The following CALN1 variants were observed in gnomAD, a reference collection of about 807,000 sequenced individuals.
CALN1 encodes the protein calcium-binding protein 8.
Under a neutral mutation model 30.6 loss-of-function variants are expected in CALN1, and 17 were observed. The observed-to-expected ratio is 0.56, with a 90% confidence interval of 0.38 to 0.83. The LOEUF is 0.83. Among genes scored for constraint, CALN1 ranks in the 40% least tolerant of loss-of-function variants. The pLI is 0.00. For synonymous variants in CALN1, 156 were observed against 131.4 expected, an observed-to-expected ratio of 1.19 and a Z score of -1.28; for missense variants, 291 against 354.9, an observed-to-expected ratio of 0.82 and a Z score of 1.45.
At chr7:72,219,219 G>A (rs772118569) in intron 3 of CALN1, among the ~76,000 whole-genome samples, 13 of 151,656 alleles carry the variant, frequency 8.6e-5, no homozygotes, top group Admixed American at 2.0e-4. Flanking sequence ...TCAAATGCCC[G>A]TCATTTTTTC....
Position 71,787,622 on chromosome 7 carries a change from T to A in CALN1, c.*153A>T. ...AGATGAAGCTGAAGTGCAACCCCAG[T>A]TGCACTCAACCTTGGGTTCTTTACT... On this transcript the variant is annotated 3_prime_UTR_variant, in exon 7 of 7. Transcript: ENST00000395275. The A allele has an allele frequency of 9.5e-7, 1 of 1,052,188 alleles. No individual in the cohort carries two copies. Among genetic ancestry groups the A allele is most frequent in the Non-Finnish European group, 1.3e-6 (1 of 750,914 alleles). The allele number at this position is 1,052,188 out of a possible 1,614,324, so 65.2% of individuals were successfully genotyped here. A position where few individuals can be genotyped will look rare whatever the true frequency, so the allele number is the denominator to read the frequency against.
chr7:72,034,353 C>CAAAAAAA (rs34276736), intron 4 of CALN1, among the ~76,000 whole-genome samples: 1 of 90,376 alleles, frequency 1.1e-5, no homozygotes, highest in Admixed American at 1.3e-4. Flanking sequence ...GACTCTGTCT[C>CAAAAAAA]AAAAAAAAAA....
chr7:72,494,609 GC>G, the CALN1 span, among the ~76,000 whole-genome samples: 7 of 151,978 alleles, frequency 4.6e-5, no homozygotes, highest in African/African-American at 1.7e-4. Flanking sequence ...GGGCGCGTTG[GC>G]CCATGCCTGT....
intron 6 of CALN1, 136 bp downstream of exon 6, chr7:71,810,200 C>T (rs761336143): frequency 2.4e-6 from 2 of 848,954 alleles, no homozygotes; most frequent in East Asian, 5.4e-5. Context: ...GATCTTTAAC[C>T]TCAGTCCTGG....
At chr7:72,406,996 T>C (rs555350819) in intron 1 of CALN1, among the ~76,000 whole-genome samples, 18 of 152,240 alleles carry the variant, frequency 1.2e-4, no homozygotes, top group African/African-American at 4.3e-4. Flanking sequence ...GCCCAGTCAC[T>C]CTTTCAGGGC....
At chr7:72,381,374 G>A (rs1332319581) in intron 2 of CALN1, among the ~76,000 whole-genome samples, 1 of 152,134 alleles carries the variant, frequency 6.6e-6, no homozygotes, top group African/African-American at 2.4e-5. Flanking sequence ...CTACTATAAA[G>A]ATACATGCAC....
the CALN1 span, among the ~76,000 whole-genome samples, chr7:72,494,695 CA>C: frequency 0.031 from 4,392 of 140,248 alleles, 185 homozygotes; most frequent in African/African-American, 0.1. Flanking sequence ...CCCATCTCTA[CA>C]AAAAAAAAAA....
intron 3 of CALN1, among the ~76,000 whole-genome samples, chr7:72,169,624 C>T (rs1371516950): frequency 1.3e-5 from 2 of 151,764 alleles, no homozygotes; most frequent in Non-Finnish European, 2.9e-5. Flanking sequence ...CGCAGCCTTG[C>T]TTCTTGCTTA....
chr7:72,064,939 AC>A (rs1332659064), intron 4 of CALN1, among the ~76,000 whole-genome samples: 1 of 151,838 alleles, frequency 6.6e-6, no homozygotes, highest in East Asian at 1.9e-4. Flanking sequence ...TGGCTCTAGG[AC>A]CACTTCTGTG....
chr7:72,056,756 G>C (rs370768029), intron 4 of CALN1, among the ~76,000 whole-genome samples: 62 of 151,974 alleles, frequency 4.1e-4, no homozygotes, highest in African/African-American at 1.2e-3. Flanking sequence ...CAAATACGAA[G>C]AAATTCATTA....
chr7:71,907,239 AACACACACACAC>A (rs71531773), intron 5 of CALN1, among the ~76,000 whole-genome samples: 1 of 147,744 alleles, frequency 6.8e-6, no homozygotes, highest in Non-Finnish European at 1.5e-5. Flanking sequence ...ATGAGGTTTA[AACACACACACAC>A]ACACACACAC....
chr7:71,839,124 T>TGAGAGAGA (rs148834323), intron 5 of CALN1, among the ~76,000 whole-genome samples: 2 of 151,118 alleles, frequency 1.3e-5, no homozygotes, highest in Non-Finnish European at 3.0e-5. Context: ...TTATCATTCT[T>TGAGAGAGA]GAGAGAGAGA....
chr7:72,198,654 T>C (rs949409211), intron 3 of CALN1, among the ~76,000 whole-genome samples: 1 of 152,066 alleles, frequency 6.6e-6, no homozygotes, highest in African/African-American at 2.4e-5. Flanking sequence ...ATTTATAGCA[T>C]GGGACCCACC....
chr7:72,439,794 G>C (rs1808294534), intron 1 of CALN1, among the ~76,000 whole-genome samples: 1 of 151,856 alleles, frequency 6.6e-6, no homozygotes, highest in Non-Finnish European at 1.5e-5. Flanking sequence ...GGCCAGGCTG[G>C]TCTTGAACTC....
chr7:72,335,289 C>A (rs146965978), intron 2 of CALN1, among the ~76,000 whole-genome samples: 9 of 152,324 alleles, frequency 5.9e-5, no homozygotes, highest in South Asian at 2.1e-4. Flanking sequence ...AAATTCCTTT[C>A]CAAAGCTCTG....
At chr7:71,988,493 G>A (rs948649183) in intron 5 of CALN1, among the ~76,000 whole-genome samples, 9 of 152,294 alleles carry the variant, frequency 5.9e-5, no homozygotes, top group African/African-American at 2.2e-4. Flanking sequence ...ATACTTGTTG[G>A]TTTCATTCTA....
chr7:72,122,709 G>C (rs1808481106), intron 3 of CALN1, among the ~76,000 whole-genome samples: 1 of 152,154 alleles, frequency 6.6e-6, no homozygotes, highest in Non-Finnish European at 1.5e-5. Context: ...CTGGATGACA[G>C]AGCAAGACAC....
chr7:72,377,436 CGTGTGTGTGT>C lies in CALN1; in HGVS notation c.119+25805_119+25814del, dbSNP rs138060244. On this transcript the variant is annotated intron_variant, in intron 2 of 6. Transcript: ENST00000395275. ...CTTTGGGTAATATGGGCCACACTTT[CGTGTGTGTGT>C]GTGTGTGTGTGTGTGTGTGTGTGTG... Among the ~76,000 whole-genome samples, 826 of 142,420 alleles carry C rather than the reference CGTGTGTGTGT, an allele frequency of 5.8e-3. 6 individuals are homozygous for C. Among genetic ancestry groups the C allele is most frequent in the African/African-American group, 0.02 (740 of 37,758 alleles). 93.4% of individuals were successfully genotyped at this position (142,420 alleles called of 152,430 possible). A position where few individuals can be genotyped will look rare whatever the true frequency, so the allele number is the denominator to read the frequency against.
chr7:71,890,392 C>T (rs573361004), intron 5 of CALN1, among the ~76,000 whole-genome samples: 1 of 152,282 alleles, frequency 6.6e-6, no homozygotes, highest in Admixed American at 6.5e-5. Flanking sequence ...TCCATGTTCT[C>T]CAACCAGACT....
Sources: allele counts gnomAD v4.1 joint callset (sites outside exome capture counted in the v4.1 genomes callset), GRCh38; gene constraint gnomAD v4.1.1; transcripts MANE v1.5; gene names NCBI Gene and HGNC (gene_info 2026-07-23, HGNC 2026-07-21).